FGF12: variants seen among roughly 807,000 people sequenced by gnomAD.
FGF12 encodes the protein fibroblast growth factor 12B.
Under a neutral mutation model 23.6 loss-of-function variants are expected in FGF12, and 14 were observed. That is an observed-to-expected ratio of 0.59 (90% confidence interval 0.39 to 0.93). FGF12 has a LOEUF of 0.93. FGF12 is among the 40% of genes least tolerant of loss of function. The pLI is 0.00. For missense variants in FGF12, 175 were observed against 217.8 expected, an observed-to-expected ratio of 0.80 and a Z score of 1.24; for synonymous variants, 62 against 77.3, an observed-to-expected ratio of 0.80 and a Z score of 1.04.
intron 2 of FGF12, among the ~76,000 whole-genome samples, chr3:192,681,983 C>G (rs1374017783): frequency 3.3e-5 from 5 of 152,096 alleles, no homozygotes; most frequent in Non-Finnish European, 5.9e-5. Context: ...CTCTGCCCAC[C>G]CTTTTTATAA....
chr3:192,155,820 A>G (rs1714380957), intron 5 of FGF12, among the ~76,000 whole-genome samples: 3 of 152,212 alleles, frequency 2.0e-5, no homozygotes, highest in South Asian at 2.1e-4. Flanking sequence ...AGCTACATGA[A>G]TTCTACAACT....
intron 4 of FGF12, among the ~76,000 whole-genome samples, chr3:192,189,418 G>A (rs1404567569): frequency 3.9e-5 from 6 of 152,096 alleles, no homozygotes; most frequent in Admixed American, 2.6e-4. Flanking sequence ...TAAAGTTGAC[G>A]CACCTCTCTC....
At chr3:192,293,858 A>G (rs1353252430) in intron 4 of FGF12, among the ~76,000 whole-genome samples, 1 of 152,160 alleles carries the variant, frequency 6.6e-6, no homozygotes, top group East Asian at 1.9e-4. Context: ...GAAGTCCAAT[A>G]TCCAGGTGAT....
In FGF12 at chr3:192,265,809, A is replaced by C. The variant is rs1007331711; in HGVS notation, c.228+69552T>G. ...TATTTACTATCTGGCTCTTTAAGCA[A>C]AGGTTTGCCAACCTCTCTCTGACAC... is the stretch of plus-strand genomic sequence containing the variant. On this transcript the variant is annotated intron_variant, in intron 4 of 5. Transcript: ENST00000445105. Among the ~76,000 whole-genome samples, 3 of 152,122 alleles carry C rather than the reference A, an allele frequency of 2.0e-5. No individual in the cohort carries two copies. In the East Asian group the frequency reaches 5.8e-4, roughly 29 times the overall value.
intron 2 of FGF12, among the ~76,000 whole-genome samples, chr3:192,361,199 C>T (rs1020457231): frequency 6.3e-5 from 9 of 143,150 alleles, no homozygotes; most frequent in Non-Finnish European, 1.1e-4. Flanking sequence ...AAAATCAAGT[C>T]ATACATATTT....
chr3:192,578,330 G>C (rs1359502777), intron 2 of FGF12, among the ~76,000 whole-genome samples: 2 of 152,132 alleles, frequency 1.3e-5, no homozygotes, highest in Non-Finnish European at 2.9e-5. Flanking sequence ...TTTTACTGGA[G>C]TAAAGGAAGA....
intron 4 of FGF12, among the ~76,000 whole-genome samples, chr3:192,241,558 G>T (rs68123513): frequency 0.066 from 10,111 of 152,116 alleles, 356 homozygotes; most frequent in South Asian, 0.081. Context: ...GGGATTTAGG[G>T]TATAAAAATT....
intron 5 of FGF12, among the ~76,000 whole-genome samples, chr3:192,149,321 T>TTA (rs1292837280): frequency 1.3e-5 from 2 of 151,498 alleles, no homozygotes; most frequent in Non-Finnish European, 2.9e-5. Flanking sequence ...GAACCTTTTT[T>TTA]TTATTATTAT....
intron 2 of FGF12, among the ~76,000 whole-genome samples, chr3:192,542,028 ATTT>A (rs35810428): frequency 4.6e-4 from 64 of 137,686 alleles, no homozygotes; most frequent in Non-Finnish European, 5.0e-4. Context: ...CATGCCTGGC[ATTT>A]TTTTTTTTTT....
chr3:192,492,475 A>G (rs1723829114), intron 2 of FGF12, among the ~76,000 whole-genome samples: 1 of 152,138 alleles, frequency 6.6e-6, no homozygotes, highest in Non-Finnish European at 1.5e-5. Context: ...AGAAATTATT[A>G]TTACACATTG....
chr3:192,675,482 T>C (rs73887669), intron 2 of FGF12, among the ~76,000 whole-genome samples: 6,021 of 152,212 alleles, frequency 0.04, 392 homozygotes, highest in African/African-American at 0.14. Context: ...GGGGATATCA[T>C]TAATTATCAC....
At chr3:192,549,392 A>T (rs958009377) in intron 2 of FGF12, among the ~76,000 whole-genome samples, 1 of 152,198 alleles carries the variant, frequency 6.6e-6, no homozygotes, top group Non-Finnish European at 1.5e-5. Flanking sequence ...TAAGTAGAAA[A>T]GGGGCTCAAA....
chr3:192,668,781 GA>G (rs1341400143), intron 2 of FGF12, among the ~76,000 whole-genome samples: 1 of 152,096 alleles, frequency 6.6e-6, no homozygotes, highest in Admixed American at 6.6e-5. Flanking sequence ...TAAAGCACAT[GA>G]AAAAGCTCAG....
intron 4 of FGF12, among the ~76,000 whole-genome samples, chr3:192,173,980 G>A (rs890592014): frequency 1.3e-5 from 2 of 152,116 alleles, no homozygotes; most frequent in African/African-American, 2.4e-5. Flanking sequence ...GGAAGCTAGC[G>A]GCAGATCCAG....
chr3:192,723,102 A>G (rs1218982112), intron 2 of FGF12, among the ~76,000 whole-genome samples: 1 of 152,178 alleles, frequency 6.6e-6, no homozygotes, highest in Non-Finnish European at 1.5e-5. Context: ...GTAGTCAAAT[A>G]TCATCACATT....
intron 2 of FGF12, among the ~76,000 whole-genome samples, chr3:192,405,749 T>C (rs1720932907): frequency 6.6e-6 from 1 of 152,364 alleles, no homozygotes; most frequent in African/African-American, 2.4e-5. Context: ...GCTATCTCTC[T>C]ATAAATAGAC....
intron 4 of FGF12, among the ~76,000 whole-genome samples, chr3:192,302,343 T>C (rs1471311623): frequency 2.6e-5 from 4 of 152,172 alleles, no homozygotes; most frequent in Non-Finnish European, 5.9e-5. Flanking sequence ...TTGTGTAGGA[T>C]TGGAGGCAGT....
At chr3:192,685,462 A>G (rs2108712734) in intron 2 of FGF12, among the ~76,000 whole-genome samples, 1 of 152,352 alleles carries the variant, frequency 6.6e-6, no homozygotes, top group South Asian at 2.1e-4. Context: ...TAACAAAGGC[A>G]CAGGGATAAA....
chr3:192,613,078 C>T (rs1006797777), intron 2 of FGF12, among the ~76,000 whole-genome samples: 2 of 151,670 alleles, frequency 1.3e-5, no homozygotes, highest in Non-Finnish European at 2.9e-5. Flanking sequence ...TCTTATTTAC[C>T]ATTTTTTTTC....
Sources: allele counts gnomAD v4.1 joint callset (sites outside exome capture counted in the v4.1 genomes callset), GRCh38; gene constraint gnomAD v4.1.1; transcripts MANE v1.5; gene names NCBI Gene and HGNC (gene_info 2026-07-23, HGNC 2026-07-21).